The following EFNA5 variants were observed in gnomAD, a reference collection of about 807,000 sequenced individuals.
EFNA5 encodes ephrin A5.
In EFNA5, 5 loss-of-function variants were observed where a neutral mutation model predicts 22.9. The observed-to-expected ratio is 0.22, with a 90% CI of 0.11 to 0.46. The LOEUF (loss-of-function observed/expected upper bound fraction) is 0.46, where lower values mean the gene tolerates loss of function less well. Ranked by LOEUF, EFNA5 falls within the 20% of genes least tolerant of loss-of-function variation. The pLI, the probability that EFNA5 is intolerant of heterozygous loss-of-function variation, is 0.99. For missense variants in EFNA5, 237 were observed against 293.3 expected (o/e 0.81, Z 1.40); for synonymous variants, 113 against 112.2 (o/e 1.01, Z -0.04).
rs1580435731 is a variant in EFNA5, at chr5:107,415,126, T to C, written c.418+12091A>G. On this transcript the variant is annotated intron_variant, in intron 2 of 4. Coordinates refer to ENST00000333274, the MANE Select transcript of EFNA5 (RefSeq NM_001962.3). ...ATTTCAGTTTTTCTCATTTGTAAAA[T>C]CGGAACAATAACAGTGCCTAACACG... Among the ~76,000 whole-genome samples the C allele has an allele frequency of 2.0e-5, 3 of 152,160 alleles. 1 individual carries two copies. Among genetic ancestry groups the C allele is most frequent in the Non-Finnish European group, 4.4e-5 (3 of 68,000 alleles).
intron 1 of EFNA5, among the ~76,000 whole-genome samples, chr5:107,508,192 T>C (rs754943272): frequency 6.6e-6 from 1 of 152,234 alleles, no homozygotes; most frequent in Non-Finnish European, 1.5e-5. Flanking sequence ...TCCTTCTGTT[T>C]GTTCTCTGTG....
intron 1 of EFNA5, among the ~76,000 whole-genome samples, chr5:107,596,440 G>T (rs1196423419): frequency 6.6e-6 from 1 of 151,986 alleles, no homozygotes; most frequent in East Asian, 1.9e-4. Flanking sequence ...CATATGACAG[G>T]ATTTCTTTTT....
Position 107,427,410 on chromosome 5 carries a change from C to T in EFNA5, c.225G>A (p.Glu75=). The change falls in exon 2 of 5, where the codon GAG becomes GAA. Residue 75 remains glutamate (E), a synonymous_variant. Coordinates refer to ENST00000333274, the MANE Select transcript of EFNA5 (RefSeq NM_001962.3). ...AGTTCACCATGTAGAGGACATAGCG[C>T]TCAGTCTTATCTTCTGGGACGGAGT... ...YEDSVPEDKT[E]RYVLYMVNFD... The T allele has an allele frequency of 6.2e-7, 1 of 1,614,018 alleles. No individual in the cohort carries two copies. Among genetic ancestry groups the T allele is most frequent in the Non-Finnish European group, 8.5e-7 (1 of 1,180,006 alleles).
At chr5:107,611,565 A>T (rs181245130) in intron 1 of EFNA5, among the ~76,000 whole-genome samples, 1 of 152,314 alleles carries the variant, frequency 6.6e-6, no homozygotes, top group East Asian at 1.9e-4. Context: ...TTTCAGTGAC[A>T]CACATACATC....
rs543411273 is a variant in EFNA5 at position 107,584,127 on chromosome 5, T to G, written c.125+86362A>C. 9.2e-5 allele frequency among the ~76,000 whole-genome samples: 14 copies of G among 152,348 alleles called. 1 individual carries two copies. The South Asian group carries it at 2.9e-3, about 32-fold the overall frequency. On this transcript the variant is annotated intron_variant, in intron 1 of 4. Transcript: ENST00000333274. ...GGGATATCACTGAGGTCCAGGCTAC[T>G]CTGGGAATATCAAGATTTTCCCCAC...
intron 1 of EFNA5, among the ~76,000 whole-genome samples, chr5:107,635,138 CAAATT>C (rs1750346530): frequency 6.6e-6 from 1 of 152,176 alleles, no homozygotes; most frequent in African/African-American, 2.4e-5. Flanking sequence ...TTAGTCATGT[CAAATT>C]AAAGCGGAGC....
At chr5:107,643,011 A>G (rs1479601247) in intron 1 of EFNA5, among the ~76,000 whole-genome samples, 2 of 152,010 alleles carry the variant, frequency 1.3e-5, no homozygotes, top group Non-Finnish European at 2.9e-5. Flanking sequence ...TTCCTGATTG[A>G]GTCTCAGAAC....
chr5:107,649,107 G>A (rs17160324), intron 1 of EFNA5, among the ~76,000 whole-genome samples: 22,185 of 152,014 alleles, frequency 0.15, 2,191 homozygotes, highest in South Asian at 0.41. Flanking sequence ...TAGTGTCAAG[G>A]CCTTACCACA....
chr5:107,662,361 T>G (rs1750980804), intron 1 of EFNA5, among the ~76,000 whole-genome samples: 1 of 152,224 alleles, frequency 6.6e-6, no homozygotes, highest in South Asian at 2.1e-4. Context: ...TTAATCAGGC[T>G]AAGTCAGGTT....
intron 1 of EFNA5, among the ~76,000 whole-genome samples, chr5:107,525,763 C>G (rs1468514311): frequency 6.6e-6 from 1 of 151,758 alleles, no homozygotes; most frequent in Non-Finnish European, 1.5e-5. Flanking sequence ...ATGGCAGAGG[C>G]AGAAGAGGTG....
intron 1 of EFNA5, among the ~76,000 whole-genome samples, chr5:107,657,257 T>C (rs958703081): frequency 6.6e-6 from 1 of 152,168 alleles, no homozygotes; most frequent in African/African-American, 2.4e-5. Context: ...CAACTCTATT[T>C]TCAACAAATC....
chr5:107,549,102 T>C (rs1229220842), intron 1 of EFNA5, among the ~76,000 whole-genome samples: 1 of 152,170 alleles, frequency 6.6e-6, no homozygotes, highest in African/African-American at 2.4e-5. Flanking sequence ...TAAAAATTCA[T>C]TCAAAGTATG....
intron 1 of EFNA5, among the ~76,000 whole-genome samples, chr5:107,640,902 A>G (rs1427881165): frequency 6.6e-6 from 1 of 152,158 alleles, no homozygotes; most frequent in East Asian, 1.9e-4. Flanking sequence ...ATACCCAAGC[A>G]GGCCACACCA....
chr5:107,667,562 T>C (rs1751103856), intron 1 of EFNA5, among the ~76,000 whole-genome samples: 1 of 152,152 alleles, frequency 6.6e-6, no homozygotes, highest in African/African-American at 2.4e-5. Flanking sequence ...TGATTTTACC[T>C]AAACATAATT....
At chr5:107,424,092 T>C (rs189809092) in intron 2 of EFNA5, among the ~76,000 whole-genome samples, 39 of 152,268 alleles carry the variant, frequency 2.6e-4, no homozygotes, top group Admixed American at 2.5e-3. Context: ...AATCTGTGTT[T>C]GTATCTGAAT....
intron 1 of EFNA5, among the ~76,000 whole-genome samples, chr5:107,441,754 T>C (rs1749262570): frequency 6.6e-6 from 1 of 152,178 alleles, no homozygotes. Flanking sequence ...AACTAATATC[T>C]CTAAAGATGT....
intron 1 of EFNA5, among the ~76,000 whole-genome samples, chr5:107,448,871 A>AAATAAAT (rs776273927): frequency 2.1e-5 from 2 of 94,740 alleles, no homozygotes; most frequent in African/African-American, 3.3e-5. Context: ...ATAAATAAAT[A>AAATAAAT]AAATAAAATA....
At chr5:107,490,580 C>G (rs12109862) in intron 1 of EFNA5, among the ~76,000 whole-genome samples, 2 of 152,176 alleles carry the variant, frequency 1.3e-5, no homozygotes, top group South Asian at 2.1e-4. Context: ...AAATCTTCAC[C>G]CTCACCTTTC....
intron 1 of EFNA5, among the ~76,000 whole-genome samples, chr5:107,496,703 A>G (rs1270325658): frequency 6.6e-6 from 1 of 152,226 alleles, no homozygotes; most frequent in Non-Finnish European, 1.5e-5. Flanking sequence ...GTGCGCTTAA[A>G]CAATAACTGC....
Sources: allele counts gnomAD v4.1 joint callset (sites outside exome capture counted in the v4.1 genomes callset), GRCh38; gene constraint gnomAD v4.1.1; transcripts MANE v1.5; gene names NCBI Gene and HGNC (gene_info 2026-07-23, HGNC 2026-07-21).